MTA3: variants seen among roughly 807,000 people sequenced by gnomAD.
MTA3 encodes the protein metastasis associated 1 family member 3.
MTA3 carries 34 observed loss-of-function variants against 83.5 expected under a neutral mutation model. The ratio of observed to expected loss-of-function variants is 0.41; its 90% CI spans 0.31 to 0.54. The LOEUF (loss-of-function observed/expected upper bound fraction) is 0.54, where lower values mean the gene tolerates loss of function less well. MTA3 is among the 20% of genes least tolerant of loss of function. The pLI is 0.33. For synonymous variants in MTA3, 303 were observed against 252.7 expected, an observed-to-expected ratio of 1.20 and a Z score of -1.89; for missense variants, 761 against 726.4, an observed-to-expected ratio of 1.05 and a Z score of -0.55.
chr2:42,537,179 G>A (rs1676284767), intron 2 of MTA3, among the ~76,000 whole-genome samples: 1 of 152,132 alleles, frequency 6.6e-6, no homozygotes, highest in South Asian at 2.1e-4. Flanking sequence ...CCTCTGTCGT[G>A]TTCCTTCTAA....
At chr2:42,617,711 C>T (rs572703789) in intron 4 of MTA3, among the ~76,000 whole-genome samples, 45 of 151,512 alleles carry the variant, frequency 3.0e-4, no homozygotes, top group Admixed American at 5.9e-4. Context: ...GGGAGGCGGA[C>T]GTTGCAGTGA....
intron 2 of MTA3, among the ~76,000 whole-genome samples, chr2:42,500,639 C>T (rs1031039360): frequency 8.6e-5 from 13 of 151,914 alleles, no homozygotes; most frequent in Non-Finnish European, 1.5e-4. Context: ...AAAATTTTTT[C>T]CTCTACCTTC....
chr2:42,591,743 C>T (rs1284148074), intron 3 of MTA3, among the ~76,000 whole-genome samples: 4 of 152,006 alleles, frequency 2.6e-5, no homozygotes, highest in Non-Finnish European at 5.9e-5. Flanking sequence ...CTCCGCCTTC[C>T]AGGTTCAAGC....
intron 3 of MTA3, among the ~76,000 whole-genome samples, chr2:42,609,250 C>T (rs1356120160): frequency 6.6e-6 from 1 of 152,012 alleles, no homozygotes; most frequent in African/African-American, 2.4e-5. Flanking sequence ...AGGCTGGTCT[C>T]AAACACCTGA....
At chr2:42,512,971 C>A (rs1312595290) in intron 2 of MTA3, among the ~76,000 whole-genome samples, 1 of 152,162 alleles carries the variant, frequency 6.6e-6, no homozygotes, top group Admixed American at 6.5e-5. Context: ...TGGCACCAAT[C>A]AAACCATCCA....
intron 8 of MTA3, among the ~76,000 whole-genome samples, chr2:42,670,275 A>G (rs1690677891): frequency 2.0e-5 from 3 of 152,046 alleles, no homozygotes; most frequent in Admixed American, 6.6e-5. Flanking sequence ...AAAAAAAAAA[A>G]TCTTAAAACT....
intron 9 of MTA3, among the ~76,000 whole-genome samples, 175 bp from the exon 10 acceptor site, chr2:42,695,590 G>T (rs1428166677): frequency 8.1e-6 from 1 of 123,472 alleles, no homozygotes; most frequent in Admixed American, 1.0e-4. Flanking sequence ...AGCTGACATC[G>T]CGCCACTGCA....
intron 16 of MTA3, among the ~76,000 whole-genome samples, chr2:42,733,616 C>G (rs1330693122): frequency 6.6e-6 from 1 of 152,170 alleles, no homozygotes; most frequent in Non-Finnish European, 1.5e-5. Flanking sequence ...TTTTCATCGA[C>G]CCACTGGTCA....
At chr2:42,697,073 G>A (rs1693454343) in intron 10 of MTA3, among the ~76,000 whole-genome samples, 1 of 152,144 alleles carries the variant, frequency 6.6e-6, no homozygotes, top group South Asian at 2.1e-4. Flanking sequence ...ATAGAAGATA[G>A]CCTTATATTC....
At chr2:42,702,037 T>C (rs7603493) in intron 11 of MTA3, among the ~76,000 whole-genome samples, 104,659 of 151,932 alleles carry the variant, frequency 0.69, 37,724 homozygotes, top group African/African-American at 0.91. Context: ...ATGGTGAAAC[T>C]CCGTCTCTAC....
intron 8 of MTA3, among the ~76,000 whole-genome samples, chr2:42,661,335 A>T (rs1412219232): frequency 6.6e-6 from 1 of 151,842 alleles, no homozygotes; most frequent in Non-Finnish European, 1.5e-5. Flanking sequence ...CCCTGTCTCT[A>T]CAAAAAAATA....
chr2:42,674,348 A>T (rs1330442529), intron 8 of MTA3, among the ~76,000 whole-genome samples: 1 of 152,214 alleles, frequency 6.6e-6, no homozygotes, highest in Non-Finnish European at 1.5e-5. Context: ...TCCATTGCCA[A>T]GATTTACTTG....
At chr2:42,565,244 G>A (rs1443169208), upstream of MTA3, among the ~76,000 whole-genome samples, 1 of 151,660 alleles carries the variant, frequency 6.6e-6, no homozygotes, top group East Asian at 2.0e-4. Context: ...TAGAGTGCAG[G>A]GGCATAAACA....
At chr2:42,719,502 T>C (rs1667257783) in intron 15 of MTA3, among the ~76,000 whole-genome samples, 1 of 152,236 alleles carries the variant, frequency 6.6e-6, no homozygotes, top group Admixed American at 6.5e-5. Flanking sequence ...AACTGGTTTA[T>C]AACTTATCTT....
chr2:42,501,028 T>G (rs1291598870), intron 2 of MTA3, among the ~76,000 whole-genome samples: 1 of 152,086 alleles, frequency 6.6e-6, no homozygotes, highest in African/African-American at 2.4e-5. Context: ...GCCAGGATGA[T>G]CTCCATCTCC....
chr2:42,728,407 G>T (rs1225087558), intron 16 of MTA3, among the ~76,000 whole-genome samples: 1 of 152,214 alleles, frequency 6.6e-6, no homozygotes, highest in Non-Finnish European at 1.5e-5. Flanking sequence ...ACATGGGAGT[G>T]CAGATATCTC....
At chr2:42,710,549 CAAAAA>C (rs765315082) in intron 14 of MTA3, among the ~76,000 whole-genome samples, 1 of 61,068 alleles carries the variant, frequency 1.6e-5, no homozygotes, top group Non-Finnish European at 3.0e-5. Flanking sequence ...AACTTCATCT[CAAAAA>C]AAAAAAAAAA....
At chr2:42,510,398 C>T (rs531249143) in intron 2 of MTA3, among the ~76,000 whole-genome samples, 3 of 151,526 alleles carry the variant, frequency 2.0e-5, no homozygotes, top group South Asian at 2.1e-4. Flanking sequence ...TTATTCCTTA[C>T]TCAGCAGATG....
Position 42,639,134 on chromosome 2 carries a change from C to T in MTA3, c.318-1039C>T, listed in dbSNP as rs1687470631. Among the ~76,000 whole-genome samples the T allele has an allele frequency of 2.0e-5, 3 of 150,642 alleles. No homozygotes were observed. The South Asian group carries it at 6.3e-4, about 32-fold the overall frequency. ...GGAGTGCAGTGGCACGATCTCGGCT[C>T]ACTGCAACCTCTGCCTCTGGGGTTC... On this transcript the variant is annotated intron_variant, in intron 4 of 16. Transcript: ENST00000405094.
Sources: gnomAD v4.1 joint callset for allele counts (sites outside exome capture counted in the v4.1 genomes callset) on GRCh38, gnomAD v4.1.1 for gene constraint, MANE v1.5 for transcripts, NCBI Gene and HGNC (gene_info 2026-07-23, HGNC 2026-07-21) for gene names.